TRAF3IP1: variants seen among roughly 807,000 people sequenced by gnomAD.
TRAF3IP1 encodes the protein intraflagellar transport 54.
In TRAF3IP1, 53 loss-of-function variants were observed where a neutral mutation model predicts 89.9. The observed-to-expected ratio is 0.59, with a 90% CI of 0.47 to 0.74. TRAF3IP1 has a LOEUF of 0.74. Ranked by LOEUF, TRAF3IP1 falls within the 30% of genes least tolerant of loss-of-function variation. The pLI, the probability that TRAF3IP1 is intolerant of heterozygous loss-of-function variation, is 0.00. For synonymous variants in TRAF3IP1, 311 were observed against 322.1 expected (o/e 0.97, Z 0.37); for missense variants, 806 against 866.1 (o/e 0.93, Z 0.87).
intron 7 of TRAF3IP1, among the ~76,000 whole-genome samples, chr2:238,336,157 T>A (rs1000660010): frequency 2.0e-5 from 3 of 152,210 alleles, no homozygotes; most frequent in Non-Finnish European, 4.4e-5. Flanking sequence ...CAGACAGTTG[T>A]ATCATCTGCT....
rs374191334 is a variant in TRAF3IP1 at position 238,332,804 on chromosome 2, A to AT, written c.916-6dup. 0.078 allele frequency: 86,483 copies of AT among 1,107,056 alleles called. No homozygotes were observed. Among genetic ancestry groups the AT allele is most frequent in the Non-Finnish European group, 0.086 (68,300 of 794,050 alleles). The allele number at this position is 1,107,056 out of a possible 1,614,324, so 68.6% of individuals were successfully genotyped here. A position where few individuals can be genotyped will look rare whatever the true frequency, so the allele number is the denominator to read the frequency against. ...GGATTGGAATAATTCTAAAGTTTGA[A>AT]TTTTTTTTTTTTTTAATAGTCAGCA... On this transcript the variant is annotated intron_variant, in intron 5 of 16. Coordinates refer to ENST00000373327, the MANE Select transcript of TRAF3IP1 (RefSeq NM_015650.4).
At chr2:238,332,655 C>A (rs997158106) in intron 5 of TRAF3IP1, among the ~76,000 whole-genome samples, 169 bp from the exon 6 acceptor site, 1 of 152,130 alleles carries the variant, frequency 6.6e-6, no homozygotes, top group Non-Finnish European at 1.5e-5. Flanking sequence ...TCTTGGGGAA[C>A]GCAGGCAGCA....
chr2:238,383,286 G>C (rs1700624944), intron 15 of TRAF3IP1, among the ~76,000 whole-genome samples: 1 of 152,176 alleles, frequency 6.6e-6, no homozygotes, highest in Non-Finnish European at 1.5e-5. Context: ...TCTCTTTTCT[G>C]ACTAGATTGT....
At chr2:238,350,574 T>G (rs952758289) in intron 12 of TRAF3IP1, among the ~76,000 whole-genome samples, 2 of 152,038 alleles carry the variant, frequency 1.3e-5, no homozygotes, top group Non-Finnish European at 2.9e-5. Flanking sequence ...TTGGGGACAC[T>G]GGGCCATGAT....
chr2:238,343,015 GA>G (rs1698728604), intron 8 of TRAF3IP1, among the ~76,000 whole-genome samples: 1 of 151,786 alleles, frequency 6.6e-6, no homozygotes, highest in African/African-American at 2.4e-5. Context: ...TAGGTCCTTT[GA>G]CTGAAGCTAG....
chr2:238,379,517 T>C lies in TRAF3IP1; in HGVS notation c.1690-17942T>C, dbSNP rs1700459347. 6.6e-6 allele frequency among the ~76,000 whole-genome samples: 1 copy of C among 152,252 alleles called. No homozygotes were observed. Among genetic ancestry groups the C allele is most frequent in the Non-Finnish European group, 1.5e-5 (1 of 68,044 alleles). On this transcript the variant is annotated intron_variant, in intron 15 of 16. Transcript: ENST00000373327. This position sits in a 1 kb window ranked among gnomAD's most constrained non-coding sequence, Gnocchi z 4.0. ...CACTTGGGTATTTGGAACTTGACCA[T>C]CCTGTATGTGAATTTTCCTTTGCTC...
intron 5 of TRAF3IP1, 133 bp from the exon 6 acceptor site, chr2:238,332,691 G>T (rs1424635200): frequency 3.0e-6 from 2 of 672,902 alleles, no homozygotes; most frequent in Non-Finnish European, 5.2e-6. Context: ...ATCAGAGCTG[G>T]ACTGGCGATG....
At chr2:238,364,862 G>GC (rs1412348228) in intron 15 of TRAF3IP1, among the ~76,000 whole-genome samples, 2 of 152,140 alleles carry the variant, frequency 1.3e-5, no homozygotes, top group Non-Finnish European at 2.9e-5. Flanking sequence ...GAACAGGTGG[G>GC]CATGTATTGA....
chr2:238,375,425 T>C (rs982493475), intron 15 of TRAF3IP1, among the ~76,000 whole-genome samples: 1 of 152,222 alleles, frequency 6.6e-6, no homozygotes, highest in African/African-American at 2.4e-5. Flanking sequence ...TCAGTTTCCA[T>C]GTAGTTGTTC....
rs1462838092 is a variant in TRAF3IP1, at chr2:238,329,121, A to C, written c.694A>C (p.Lys232Gln). 6.4e-7 allele frequency: 1 copy of C among 1,551,018 alleles called. No homozygotes were observed. Among genetic ancestry groups the C allele is most frequent in the Non-Finnish European group, 8.7e-7 (1 of 1,147,258 alleles). The change falls in exon 5 of 17, where the codon AAA (lysine) becomes CAA (glutamine). Residue 232 changes from lysine to glutamine, a missense_variant. Transcript: ENST00000373327. The stretch of plus-strand genomic sequence containing the variant: ...GGCCAGGCCAGACAACGAGCGACAG[A>C]AAGACAGAGGCAACAGGGAGCGGGA... ...ARARPDNERQKDRGNRERDRD... is the reference protein window; with the variant it reads ...ARARPDNERQQDRGNRERDRD...
At chr2:238,388,390 A>AG (rs1293655456) in intron 15 of TRAF3IP1, among the ~76,000 whole-genome samples, 1 of 151,256 alleles carries the variant, frequency 6.6e-6, no homozygotes, top group Non-Finnish European at 1.5e-5. Context: ...AAAAAAAAAA[A>AG]AAGGATGTGT....
chr2:238,367,931 C>T (rs1322863433), intron 15 of TRAF3IP1, among the ~76,000 whole-genome samples: 1 of 151,858 alleles, frequency 6.6e-6, no homozygotes, highest in African/African-American at 2.4e-5. Context: ...CAACTTATTT[C>T]GAGAATTATT....
In TRAF3IP1 at chr2:238,374,035, G is replaced by A. The variant is rs146171257; in HGVS notation, c.1689+17955G>A. On this transcript the variant is annotated intron_variant, in intron 15 of 16. Coordinates refer to ENST00000373327, the MANE Select transcript of TRAF3IP1 (RefSeq NM_015650.4). Reference sequence around the variant, plus strand: ...TCAGCTTAAGGATATTTTGGGCTGAGACAATGGGGTTTTCTAAATATACCA... The same window carrying A: ...TCAGCTTAAGGATATTTTGGGCTGAAACAATGGGGTTTTCTAAATATACCA... Among the ~76,000 whole-genome samples, 152 of 152,280 alleles carry A rather than the reference G, an allele frequency of 1.0e-3. 2 individuals are homozygous for A. The highest frequency in any genetic ancestry group is 3.4e-3 in the African/African-American group (143 of 41,554).
rs5839695 is a variant in TRAF3IP1 at position 238,334,078 on chromosome 2, G to GTT, written c.1063+56_1063+57dup. 0.24 allele frequency: 244,825 copies of GTT among 1,037,586 alleles called. 14 individuals carry two copies. The highest frequency in any genetic ancestry group is 0.27 in the South Asian group (15,978 of 58,638). The allele number at this position is 1,037,586 out of a possible 1,614,324, so 64.3% of individuals were successfully genotyped here. On this transcript the variant is annotated intron_variant, in intron 7 of 16. Coordinates refer to ENST00000373327, the MANE Select transcript of TRAF3IP1 (RefSeq NM_015650.4). ...TATGTAGCTGAAAATATGGATATTA[G>GTT]TTTTTTTTTTTTTTGTCTTAATCTC...
intron 15 of TRAF3IP1, among the ~76,000 whole-genome samples, chr2:238,369,599 C>T (rs933718528): frequency 1.3e-5 from 2 of 151,786 alleles, no homozygotes; most frequent in Non-Finnish European, 2.9e-5. Context: ...CATCCTGGGC[C>T]GAAACCTTCC....
At chr2:238,326,931 C>G (rs182412765) in intron 3 of TRAF3IP1, among the ~76,000 whole-genome samples, 23 of 152,320 alleles carry the variant, frequency 1.5e-4, no homozygotes, top group Non-Finnish European at 2.9e-4. Context: ...GGCTCCCCAG[C>G]TCCCCTTCCC....
intron 15 of TRAF3IP1, among the ~76,000 whole-genome samples, chr2:238,387,550 T>C (rs1700823209): frequency 6.6e-6 from 1 of 152,222 alleles, no homozygotes; most frequent in African/African-American, 2.4e-5. Context: ...ACACACACCC[T>C]TTGACCCAGT....
At chr2:238,386,015 A>G (rs984419317) in intron 15 of TRAF3IP1, among the ~76,000 whole-genome samples, 1 of 152,236 alleles carries the variant, frequency 6.6e-6, no homozygotes, top group African/African-American at 2.4e-5. Context: ...TCGGGAAGAA[A>G]GAATTACAAT....
chr2:238,338,484 A>G, intron 8 of TRAF3IP1, 27 bp downstream of exon 8: 1 of 1,268,986 alleles, frequency 7.9e-7, no homozygotes, highest in Non-Finnish European at 1.1e-6. Context: ...CTTTAGTTTA[A>G]ATTCCTCACC....
Sources: gnomAD v4.1 joint callset for allele counts (sites outside exome capture counted in the v4.1 genomes callset) on GRCh38, gnomAD v4.1.1 for gene constraint, Gnocchi (gnomAD v3.1) non-coding constraint, MANE v1.5 for transcripts, NCBI Gene and HGNC (gene_info 2026-07-23, HGNC 2026-07-21) for gene names.